KCND3: variants seen among roughly 807,000 people sequenced by gnomAD.
The protein encoded by KCND3 is potassium voltage-gated channel subfamily D member 3.
In KCND3, 9 loss-of-function variants were observed where a neutral mutation model predicts 51.1. The observed-to-expected ratio is 0.18, with a 90% CI of 0.11 to 0.31. KCND3 has a LOEUF of 0.31. Ranked by LOEUF, KCND3 falls within the 10% of genes least tolerant of loss-of-function variation. The pLI, the probability that KCND3 is intolerant of heterozygous loss-of-function variation, is 1.00. For missense variants in KCND3, 526 were observed against 903.8 expected, an observed-to-expected ratio of 0.58 and a Z score of 5.36; for synonymous variants, 349 against 368.0, an observed-to-expected ratio of 0.95 and a Z score of 0.59.
chr1:111,805,226 GA>G (rs56662356), intron 2 of KCND3, among the ~76,000 whole-genome samples: 54 of 151,086 alleles, frequency 3.6e-4, no homozygotes, highest in South Asian at 3.1e-3. Context: ...CCAACAGGGG[GA>G]AAAAAAAAGG....
intron 2 of KCND3, among the ~76,000 whole-genome samples, chr1:111,862,916 C>T (rs146492113): frequency 3.5e-4 from 54 of 152,358 alleles, no homozygotes; most frequent in African/African-American, 1.3e-3. Flanking sequence ...GGTGTGAGGA[C>T]ACTTTGTCCC....
chr1:111,895,966 C>T (rs927527572), intron 2 of KCND3, among the ~76,000 whole-genome samples: 1 of 152,248 alleles, frequency 6.6e-6, no homozygotes, highest in Non-Finnish European at 1.5e-5. Flanking sequence ...GTTCTGCCAT[C>T]CCCTCAGGCA....
chr1:111,972,855 T>C (rs765018602), intron 2 of KCND3, among the ~76,000 whole-genome samples: 1 of 152,250 alleles, frequency 6.6e-6, no homozygotes, highest in Non-Finnish European at 1.5e-5. Context: ...TTTGTTGAAT[T>C]GAATCAAGAT....
rs1386046253 is a variant in KCND3, at chr1:111,981,183, C to T, written c.1106+438G>A. ...ATGCAGAAAGGATCCAAAAAGAGTGCTCTTGGTGTCTTCTGGTAATGGACA... is the reference window on the plus strand; with the variant it reads ...ATGCAGAAAGGATCCAAAAAGAGTGTTCTTGGTGTCTTCTGGTAATGGACA... On this transcript the variant is annotated intron_variant, in intron 2 of 7. Transcript: ENST00000302127. This position sits in a 1 kb window ranked among gnomAD's most constrained non-coding sequence, Gnocchi z 6.2. 6.6e-6 allele frequency among the ~76,000 whole-genome samples: 1 copy of T among 152,016 alleles called. No individual in the cohort carries two copies. The highest frequency in any genetic ancestry group is 1.5e-5 in the Non-Finnish European group (1 of 68,018).
rs548582291 is a variant in KCND3 at position 111,887,518 on chromosome 1, A to G, written c.1106+94103T>C. On this transcript the variant is annotated intron_variant, in intron 2 of 7. Coordinates refer to ENST00000302127, the MANE Select transcript of KCND3 (RefSeq NM_001378969.1). ...GCCAGCTCAGCTGCCTCAAGGACTT[A>G]ACAATATTTCCAAACTAAACAAGCT... Among the ~76,000 whole-genome samples, 14 of 152,328 alleles carry G rather than the reference A, an allele frequency of 9.2e-5. No individual in the cohort carries two copies. In the East Asian group the frequency reaches 2.7e-3, roughly 29 times the overall value.
At chr1:111,811,689 A>C (rs1454535698) in intron 2 of KCND3, among the ~76,000 whole-genome samples, 2 of 152,210 alleles carry the variant, frequency 1.3e-5, no homozygotes, top group Non-Finnish European at 2.9e-5. Flanking sequence ...TGTAGCACCC[A>C]TAGTCAGAGT....
In KCND3 at chr1:111,780,359, T is replaced by G. The variant is rs1446887819; in HGVS notation, c.1372-45A>C. 1 of 1,502,300 alleles carries G rather than the reference T, an allele frequency of 6.7e-7. No homozygotes were observed. The highest frequency in any genetic ancestry group is 9.1e-7 in the Non-Finnish European group (1 of 1,101,848). The allele number at this position is 1,502,300 out of a possible 1,614,324, so 93.1% of individuals were successfully genotyped here. A position where few individuals can be genotyped will look rare whatever the true frequency, so the allele number is the denominator to read the frequency against. ...GATTGAGTAAAAAGCTGGTGGCTCT[T>G]CCCCTCTCCAGCTCCTTCATTTCTC... On this transcript the variant is annotated intron_variant, in intron 4 of 7. Coordinates refer to ENST00000302127, the MANE Select transcript of KCND3 (RefSeq NM_001378969.1). The surrounding 1 kb of genome is among the most constrained non-coding windows in gnomAD (Gnocchi z 4.2).
intron 2 of KCND3, among the ~76,000 whole-genome samples, chr1:111,862,495 G>T (rs1298603751): frequency 6.6e-6 from 1 of 152,204 alleles, no homozygotes; most frequent in Non-Finnish European, 1.5e-5. Context: ...TTCTAATATG[G>T]TGAGTCTGTA....
At chr1:111,797,622 G>A (rs916435655) in intron 2 of KCND3, among the ~76,000 whole-genome samples, 7 of 152,202 alleles carry the variant, frequency 4.6e-5, no homozygotes, top group African/African-American at 1.7e-4. Flanking sequence ...GGTCCTGTGT[G>A]AGCACAAAGG....
chr1:111,849,884 G>A (rs1357800215), intron 2 of KCND3, among the ~76,000 whole-genome samples: 2 of 152,090 alleles, frequency 1.3e-5, no homozygotes, highest in African/African-American at 4.8e-5. Context: ...GTGACTTCCT[G>A]TATGATGCTC....
rs74112137 is a variant in KCND3, at chr1:111,806,641, T to C, written c.1107-19535A>G. On this transcript the variant is annotated intron_variant, in intron 2 of 7. Coordinates refer to ENST00000302127, the MANE Select transcript of KCND3 (RefSeq NM_001378969.1). The stretch of plus-strand genomic sequence containing the variant: ...CCCTTCTGCTGAGGATAATTTAAAA[T>C]GCTGGATGAAATATAACAAACATTT... Among the ~76,000 whole-genome samples the C allele has an allele frequency of 4.4e-3, 677 of 152,320 alleles. 6 individuals are homozygous for C. Among genetic ancestry groups the C allele is most frequent in the African/African-American group, 0.016 (655 of 41,564 alleles).
rs556518866 is a variant in KCND3, at chr1:111,920,781, C to T, written c.1106+60840G>A. On this transcript the variant is annotated intron_variant, in intron 2 of 7. Coordinates refer to ENST00000302127, the MANE Select transcript of KCND3 (RefSeq NM_001378969.1). Reference sequence around the variant, plus strand: ...TGCCCCAACACTCCCAAGCAACCAACCTCTTCCTTTGTGTAACCAAGATGG... The same window carrying T: ...TGCCCCAACACTCCCAAGCAACCAATCTCTTCCTTTGTGTAACCAAGATGG... Among the ~76,000 whole-genome samples the T allele has an allele frequency of 7.2e-5, 11 of 152,360 alleles. No homozygotes were observed. In the South Asian group the frequency reaches 2.3e-3, roughly 32 times the overall value.
intron 2 of KCND3, among the ~76,000 whole-genome samples, chr1:111,945,831 T>C (rs1478905663): frequency 6.6e-6 from 1 of 152,228 alleles, no homozygotes; most frequent in South Asian, 2.1e-4. Flanking sequence ...TAGGGTCCTC[T>C]GAGGTCTTGG....
intron 2 of KCND3, among the ~76,000 whole-genome samples, chr1:111,822,496 A>G (rs1032030096): frequency 1.3e-5 from 2 of 152,122 alleles, no homozygotes; most frequent in Admixed American, 1.3e-4. Flanking sequence ...TTTTCTTACC[A>G]CAGTGTCTTC....
At chr1:111,987,259 C>G (rs897235242) in intron 1 of KCND3, among the ~76,000 whole-genome samples, 1 of 152,190 alleles carries the variant, frequency 6.6e-6, no homozygotes, top group African/African-American at 2.4e-5. Context: ...GACCACCAGT[C>G]CTTTACAAAC....
chr1:111,953,792 C>T (rs1673178677), intron 2 of KCND3, among the ~76,000 whole-genome samples: 1 of 152,244 alleles, frequency 6.6e-6, no homozygotes, highest in Admixed American at 6.5e-5. Context: ...TGATAACTTC[C>T]ATGCCCTGCT....
At chr1:111,873,883 G>T (rs1191854439) in intron 2 of KCND3, among the ~76,000 whole-genome samples, 1 of 151,976 alleles carries the variant, frequency 6.6e-6, no homozygotes, top group African/African-American at 2.4e-5. Context: ...AAGCAGGGGA[G>T]AACGGAGAAT....
At chr1:111,817,512 G>C (rs1571686933) in intron 2 of KCND3, among the ~76,000 whole-genome samples, 1 of 152,154 alleles carries the variant, frequency 6.6e-6, no homozygotes, top group Non-Finnish European at 1.5e-5. Flanking sequence ...ACACTGGGGG[G>C]TTAGCTAATT....
At chr1:111,825,885 G>A (rs1666549046) in intron 2 of KCND3, among the ~76,000 whole-genome samples, 1 of 152,060 alleles carries the variant, frequency 6.6e-6, no homozygotes, top group African/African-American at 2.4e-5. Context: ...ATTTCCTCGG[G>A]AGAGATCCAA....
Sources: gnomAD v4.1 joint callset for allele counts (sites outside exome capture counted in the v4.1 genomes callset) on GRCh38, gnomAD v4.1.1 for gene constraint, Gnocchi (gnomAD v3.1) non-coding constraint, MANE v1.5 for transcripts, NCBI Gene and HGNC (gene_info 2026-07-23, HGNC 2026-07-21) for gene names.